UCHL1: variants seen among roughly 807,000 people sequenced by gnomAD.
UCHL1 encodes ubiquitin C-terminal hydrolase L1, also known as ubiquitin carboxyl-terminal hydrolase isozyme L1.
Under a neutral mutation model 33.3 loss-of-function variants are expected in UCHL1, and 5 were observed. The observed-to-expected ratio is 0.15, with a 90% CI of 0.08 to 0.32. The LOEUF (loss-of-function observed/expected upper bound fraction) is 0.32. UCHL1 is among the 10% of genes least tolerant of loss of function. UCHL1 has a pLI of 1.00. For synonymous variants in UCHL1, 132 were observed against 108.8 expected (o/e 1.21, Z -1.33); for missense variants, 236 against 280.0 (o/e 0.84, Z 1.12).
At chr4:41,262,365 G>GA (rs1240378098) in intron 6 of UCHL1, among the ~76,000 whole-genome samples, 2 of 152,110 alleles carry the variant, frequency 1.3e-5, no homozygotes, top group African/African-American at 2.4e-5. Context: ...AGAATTGCTT[G>GA]AGCCCTAGAG....
At position 41,262,385 on chromosome 4, in the gene UCHL1, G is replaced by A. The variant is rs73144350; in HGVS notation, c.459+462G>A. On this transcript the variant is annotated intron_variant, in intron 6 of 8. Transcript: ENST00000284440. Reference sequence around the variant, plus strand: ...TGCTTGAGCCCTAGAGGCAGAGGTTGCAGTGAGCTGAGACCATGTCGCTGC... The same window carrying A: ...TGCTTGAGCCCTAGAGGCAGAGGTTACAGTGAGCTGAGACCATGTCGCTGC... Among the ~76,000 whole-genome samples, 443 of 152,262 alleles carry A rather than the reference G, an allele frequency of 2.9e-3. 2 individuals carry two copies. Among genetic ancestry groups the A allele is most frequent in the African/African-American group, 1.0e-2 (415 of 41,552 alleles).
intron 3 of UCHL1, 66 bp downstream of exon 3, chr4:41,257,803 C>T (rs1261383281): frequency 1.3e-6 from 2 of 1,516,372 alleles, no homozygotes; most frequent in Admixed American, 2.0e-5. Context: ...CTTGAGTCCT[C>T]GGGGGCTCCC....
intron 8 of UCHL1, among the ~76,000 whole-genome samples, chr4:41,266,226 C>CGTTTTTTT (rs1554005212): frequency 1.5e-5 from 2 of 136,780 alleles, no homozygotes; most frequent in African/African-American, 5.6e-5. Context: ...CTGGCTAAAA[C>CGTTTTTTT]TTTTTTTTTT....
Position 41,261,778 on chromosome 4 carries a change from C to G in UCHL1, c.389C>G (p.Ala130Gly), listed in dbSNP as rs1210537644. ...ETEKMSPEDR[A>G]KCFEKNEAIQ... ...GAGAAAATGTCCCCTGAAGACAGAG[C>G]AAAATGCTTTGAAAAGAATGAGGTA... Residue 130 changes from alanine (A) to glycine (G), a missense_variant, in exon 5 of 9, where the codon GCA (alanine) becomes GGA (glycine). Coordinates refer to ENST00000284440, the MANE Select transcript of UCHL1 (RefSeq NM_004181.5). 1.9e-6 allele frequency: 3 copies of G among 1,613,858 alleles called. No individual in the cohort carries two copies. The highest frequency in any genetic ancestry group is 4.5e-5 in the East Asian group (2 of 44,878).
Position 41,257,676 on chromosome 4 carries a change from C to A in UCHL1, c.113C>A (p.Ser38Tyr). The A allele has an allele frequency of 1.3e-6, 2 of 1,575,104 alleles. No individual in the cohort carries two copies. Among genetic ancestry groups the A allele is most frequent in the South Asian group, 2.3e-5 (2 of 86,144 alleles). The change falls in exon 3 of 9, where the codon TCT becomes TAT. Residue 38 changes from serine (S) to tyrosine (Y), a missense_variant. By Grantham distance (144) the Ser-to-Tyr change is moderately radical. Transcript: ENST00000284440. The part of the protein sequence containing the change: ...FVDVLGLEEE[S>Y]LGSVPAPACA... ...GACGTGCTGGGGCTGGAAGAGGAGTCTCTGGGCTCGGTGCCAGCGCCTGCC... is the reference window on the plus strand; with the variant it reads ...GACGTGCTGGGGCTGGAAGAGGAGTATCTGGGCTCGGTGCCAGCGCCTGCC...
chr4:41,257,507 G>C (rs1780998026), intron 2 of UCHL1, 102 bp from the exon 3 acceptor site: 1 of 1,349,046 alleles, frequency 7.4e-7, no homozygotes, highest in African/African-American at 1.5e-5. Flanking sequence ...CCCAGGCTCG[G>C]GTGCGGGCGC....
At chr4:41,257,532 T>C in intron 2 of UCHL1, 77 bp from the exon 3 acceptor site, 1 of 1,393,874 alleles carries the variant, frequency 7.2e-7, no homozygotes, top group Non-Finnish European at 9.2e-7. Flanking sequence ...GGCGCGCGCC[T>C]CCTGGCCCCG....
At position 41,257,605 on chromosome 4, in the gene UCHL1, G is replaced by A. The variant is rs771560835; in HGVS notation, c.46-4G>A. The stretch of plus-strand genomic sequence containing the variant: ...CGCCTGGCCGCCTTGTCTCCTCTCC[G>A]CAGGTGCTGTCCCGGCTGGGGGTCG... On this transcript the variant is annotated splice_region_variant and splice_polypyrimidine_tract_variant and intron_variant, in intron 2 of 8. Transcript: ENST00000284440. The A allele has an allele frequency of 1.6e-5, 25 of 1,537,836 alleles. No individual in the cohort carries two copies. Among genetic ancestry groups the A allele is most frequent in the Non-Finnish European group, 2.2e-5 (25 of 1,148,976 alleles).
Position 41,263,257 on chromosome 4 carries a change from G to A in UCHL1, c.492G>A (p.Leu164=), listed in dbSNP as rs1421152543. ...ACAAGGTGAATTTCCATTTTATTCT[G>A]TTTAACAACGTGGATGGCCACCTCT... ...VDDKVNFHFI[L]FNNVDGHLYE... is the part of the protein sequence containing the mutation. Residue 164 remains leucine, a synonymous_variant, in exon 7 of 9, where the codon CTG becomes CTA. Coordinates refer to ENST00000284440, the MANE Select transcript of UCHL1 (RefSeq NM_004181.5). 6.2e-7 allele frequency: 1 copy of A among 1,614,056 alleles called. No homozygotes were observed. Among genetic ancestry groups the A allele is most frequent in the Admixed American group, 1.7e-5 (1 of 60,018 alleles).
Position 41,257,657 on chromosome 4 carries a change from C to G in UCHL1, c.94C>G (p.Leu32Val), listed in dbSNP as rs754490470. The part of the protein sequence containing the change: ...VAGQWRFVDV[L>V]GLEEESLGSV... ...CGGCCAGTGGCGCTTCGTGGACGTG[C>G]TGGGGCTGGAAGAGGAGTCTCTGGG... The change falls in exon 3 of 9, where the codon CTG (leucine) becomes GTG (valine). Residue 32 changes from leucine (L) to valine (V), a missense_variant. Leu to Val is a conservative substitution (Grantham distance 32). Transcript: ENST00000284440. The G allele has an allele frequency of 1.1e-5, 18 of 1,570,032 alleles. No individual in the cohort carries two copies. The highest frequency in any genetic ancestry group is 1.5e-5 in the Non-Finnish European group (18 of 1,161,738).
chr4:41,260,865 T>G lies in UCHL1; in HGVS notation c.325+68T>G, dbSNP rs116871591. ...GAAACATGGAGTTCAGAAACAGCTG[T>G]TTTCCCGAGGTCAGAGATGCTGTAC... is the stretch of plus-strand genomic sequence containing the variant. On this transcript the variant is annotated intron_variant, in intron 4 of 8. Transcript: ENST00000284440. The G allele has an allele frequency of 2.1e-4, 339 of 1,610,186 alleles. 1 individual carries two copies. In the East Asian group the frequency reaches 5.5e-3, roughly 26 times the overall value.
At chr4:41,259,113 G>C (rs1476867258) in intron 3 of UCHL1, among the ~76,000 whole-genome samples, 2 of 152,208 alleles carry the variant, frequency 1.3e-5, no homozygotes, top group African/African-American at 4.8e-5. Flanking sequence ...GAAAGAGCTC[G>C]ATACTTTGTC....
At chr4:41,264,484 T>A in intron 8 of UCHL1, 2 of 416,972 alleles carry the variant, frequency 4.8e-6, no homozygotes. Flanking sequence ...ACATCATAGC[T>A]AAAGACTCAC....
intron 7 of UCHL1, among the ~76,000 whole-genome samples, chr4:41,263,678 T>C (rs1326338937): frequency 1.3e-5 from 2 of 152,228 alleles, no homozygotes; most frequent in Non-Finnish European, 2.9e-5. Flanking sequence ...CTTGTAACTC[T>C]TGTCTCAAGC....
chr4:41,265,115 G>A (rs928865357), intron 8 of UCHL1, among the ~76,000 whole-genome samples: 8 of 152,200 alleles, frequency 5.3e-5, no homozygotes, highest in Non-Finnish European at 8.8e-5. Flanking sequence ...GGGCCCACAT[G>A]CTGCAGTTTA....
intron 3 of UCHL1, 109 bp downstream of exon 3, chr4:41,257,846 G>T: frequency 6.9e-7 from 1 of 1,442,072 alleles, no homozygotes; most frequent in South Asian, 1.4e-5. Context: ...GTGATGCGGG[G>T]CGCGCCTACA....
chr4:41,258,134 A>G (rs1781013645), intron 3 of UCHL1, among the ~76,000 whole-genome samples: 1 of 151,976 alleles, frequency 6.6e-6, no homozygotes, highest in East Asian at 1.9e-4. Context: ...TCAGACTCCC[A>G]CCTAGCTGTA....
chr4:41,257,228 C>A, intron 2 of UCHL1, 102 bp downstream of exon 2: 1 of 1,581,130 alleles, frequency 6.3e-7, no homozygotes, highest in Non-Finnish European at 8.6e-7. Flanking sequence ...CCGCCCGCTG[C>A]GAGCACCGGA....
intron 8 of UCHL1, among the ~76,000 whole-genome samples, chr4:41,267,521 C>T (rs1035570546): frequency 1.3e-5 from 2 of 152,168 alleles, no homozygotes; most frequent in African/African-American, 4.8e-5. Flanking sequence ...GCTGGGATTA[C>T]AGGCGTGAGC....
Sources: allele counts gnomAD v4.1 joint callset (sites outside exome capture counted in the v4.1 genomes callset), GRCh38; gene constraint gnomAD v4.1.1; transcripts MANE v1.5; gene names NCBI Gene and HGNC (gene_info 2026-07-23, HGNC 2026-07-21).